WDFY3: variants seen among roughly 807,000 people sequenced by gnomAD.
The protein encoded by WDFY3 is WD repeat and FYVE domain-containing protein 3.
In WDFY3, 66 loss-of-function variants were observed where a neutral mutation model predicts 409.6. That is an observed-to-expected ratio of 0.16 (90% CI 0.13 to 0.20). The LOEUF is 0.20. WDFY3 is among the 10% of genes least tolerant of loss of function. The pLI is 1.00. For synonymous variants in WDFY3, 1,521 were observed against 1,537.1 expected (o/e 0.99, Z 0.25); for missense variants, 3,031 against 4,298.1 (o/e 0.71, Z 8.24).
chr4:84,746,377 A>T (rs1377445275), intron 36 of WDFY3, among the ~76,000 whole-genome samples: 1 of 152,176 alleles, frequency 6.6e-6, no homozygotes, highest in Non-Finnish European at 1.5e-5. Context: ...TGAGATTAGT[A>T]ATGAGTAGGG....
intron 30 of WDFY3, among the ~76,000 whole-genome samples, chr4:84,769,437 C>T (rs974098595): frequency 5.3e-5 from 8 of 152,062 alleles, no homozygotes; most frequent in East Asian, 1.9e-4. Context: ...TTTTTTGAGA[C>T]GAAGTCTCAC....
chr4:84,910,457 A>G (rs943619089), intron 2 of WDFY3, among the ~76,000 whole-genome samples: 1 of 152,184 alleles, frequency 6.6e-6, no homozygotes, highest in Non-Finnish European at 1.5e-5. Context: ...TGGTACTAGC[A>G]TAAGGATGGT....
chr4:84,912,742 C>A (rs1398401684), intron 2 of WDFY3, among the ~76,000 whole-genome samples: 4 of 151,408 alleles, frequency 2.6e-5, no homozygotes, highest in Non-Finnish European at 5.9e-5. Flanking sequence ...GTACCCTATT[C>A]TAAAAAAAAA....
At chr4:84,712,083 AG>A (rs1323899522) in intron 51 of WDFY3, among the ~76,000 whole-genome samples, 1 of 151,818 alleles carries the variant, frequency 6.6e-6, no homozygotes, top group Non-Finnish European at 1.5e-5. Flanking sequence ...CAGCGCTTTG[AG>A]GGGCCAAGAT....
At chr4:84,940,232 C>CT (rs1189732829) in intron 1 of WDFY3, among the ~76,000 whole-genome samples, 2 of 152,060 alleles carry the variant, frequency 1.3e-5, no homozygotes, top group South Asian at 2.1e-4. Flanking sequence ...CAAGAGTTGC[C>CT]TGCAACCCGT....
chr4:84,751,765 T>C, intron 35 of WDFY3, 49 bp from the exon 36 acceptor site: 4 of 1,587,720 alleles, frequency 2.5e-6, no homozygotes, highest in Non-Finnish European at 3.5e-6. Context: ...GACTCTGACA[T>C]TTTTACTTCT....
chr4:84,885,856 C>T (rs937130595), intron 3 of WDFY3, among the ~76,000 whole-genome samples: 3 of 152,166 alleles, frequency 2.0e-5, no homozygotes, highest in African/African-American at 4.8e-5. Flanking sequence ...TGGAATCTTG[C>T]ATTCCTCTTC....
intron 2 of WDFY3, among the ~76,000 whole-genome samples, chr4:84,903,107 T>C (rs1766559682): frequency 2.0e-5 from 3 of 152,160 alleles, no homozygotes; most frequent in Non-Finnish European, 4.4e-5. Flanking sequence ...TCAAATGAAA[T>C]TGCCATTTTT....
intron 64 of WDFY3, among the ~76,000 whole-genome samples, chr4:84,680,053 G>A (rs1727095772): frequency 1.3e-5 from 2 of 151,792 alleles, no homozygotes; most frequent in African/African-American, 4.8e-5. Flanking sequence ...ACCACACCTG[G>A]CTAATTTTTG....
Position 84,677,218 on chromosome 4 carries a change from C to T in WDFY3, c.10438G>A (p.Gly3480Ser). The T allele has an allele frequency of 6.2e-7, 1 of 1,614,156 alleles. No individual in the cohort carries two copies. The part of the protein sequence containing the change: ...TERRHHCRNC[G>S]QLFCQKCSRF... ...TCTTACTTCTGGCAGAAGAGCTGAC[C>T]ACAGTTCCTGCAATGGTGTCGTCTT... is the stretch of plus-strand genomic sequence containing the variant. Residue 3480 changes from glycine (G) to serine (S), a missense_variant, in exon 67 of 68, where the codon GGT (glycine) becomes AGT (serine). Gly to Ser is a moderately conservative substitution (Grantham distance 56). Around this residue, in one of 16 missense-constraint regions of WDFY3, gnomAD observed 378 missense variants for 477.3 expected, o/e 0.79. Coordinates refer to ENST00000295888, the MANE Select transcript of WDFY3 (RefSeq NM_014991.6).
chr4:84,778,806 T>C (rs1284673924), intron 26 of WDFY3, 151 bp from the exon 27 acceptor site: 2 of 675,408 alleles, frequency 3.0e-6, no homozygotes, highest in Non-Finnish European at 4.3e-6. Context: ...TTTCTGAGAT[T>C]ATTAAGTTAA....
At chr4:84,683,287 T>C (rs889739111) in intron 63 of WDFY3, among the ~76,000 whole-genome samples, 5 of 152,170 alleles carry the variant, frequency 3.3e-5, no homozygotes, top group African/African-American at 1.2e-4. Context: ...TTCACTGTCT[T>C]TCAACATGTG....
At chr4:84,749,827 T>C (rs888567096) in intron 36 of WDFY3, among the ~76,000 whole-genome samples, 5 of 152,306 alleles carry the variant, frequency 3.3e-5, no homozygotes, top group South Asian at 2.1e-4. Context: ...CGCTAGTATA[T>C]TGAAGCACTA....
intron 13 of WDFY3, 111 bp from the exon 14 acceptor site, chr4:84,810,455 T>C: frequency 1.0e-6 from 1 of 967,478 alleles, no homozygotes; most frequent in South Asian, 2.0e-5. Flanking sequence ...GACATGTTTT[T>C]ATCATTTACC....
intron 32 of WDFY3, among the ~76,000 whole-genome samples, chr4:84,761,866 T>C (rs1742667891): frequency 6.6e-6 from 1 of 152,188 alleles, no homozygotes; most frequent in African/African-American, 2.4e-5. Context: ...GAAAAAATGC[T>C]CACCATCACT....
At chr4:84,677,555 C>A (rs1324573653) in intron 66 of WDFY3, among the ~76,000 whole-genome samples, 159 bp from the exon 67 acceptor site, 1 of 152,148 alleles carries the variant, frequency 6.6e-6, no homozygotes, top group Non-Finnish European at 1.5e-5. Flanking sequence ...TGTAAACAGA[C>A]AAAAACTGAA....
At chr4:84,830,871 T>A (rs559809100) in intron 8 of WDFY3, among the ~76,000 whole-genome samples, 1 of 152,250 alleles carries the variant, frequency 6.6e-6, no homozygotes, top group East Asian at 1.9e-4. Context: ...TACACAACAA[T>A]GAAATTTTTT....
rs76696511 is a variant in WDFY3 at position 84,913,221 on chromosome 4, T to C, written c.-131-16211A>G. ...AGGCTCACTACTCTATGGAAAGGATTGCCAACCTATTGAAGAGAACCCTGA... is the reference window on the plus strand; with the variant it reads ...AGGCTCACTACTCTATGGAAAGGATCGCCAACCTATTGAAGAGAACCCTGA... On this transcript the variant is annotated intron_variant, in intron 2 of 67. Coordinates refer to ENST00000295888, the MANE Select transcript of WDFY3 (RefSeq NM_014991.6). 5.3e-3 allele frequency among the ~76,000 whole-genome samples: 812 copies of C among 152,220 alleles called. 50 individuals carry two copies. The East Asian group carries it at 0.13, about 25-fold the overall frequency.
intron 21 of WDFY3, among the ~76,000 whole-genome samples, chr4:84,790,916 C>T (rs567148575): frequency 6.6e-6 from 1 of 152,144 alleles, no homozygotes; most frequent in South Asian, 2.1e-4. Context: ...TATCACCTCA[C>T]ACCTGTCAGA....
Sources: allele counts gnomAD v4.1 joint callset (sites outside exome capture counted in the v4.1 genomes callset), GRCh38; gene constraint gnomAD v4.1.1; regional missense constraint gnomAD v4.1.1; transcripts MANE v1.5; gene names NCBI Gene and HGNC (gene_info 2026-07-23, HGNC 2026-07-21).